Variants in SOX5 observed in about 807,000 individuals in gnomAD.
The protein encoded by SOX5 is SRY-box transcription factor 5, also known as transcription factor SOX-5.
In SOX5, 9 loss-of-function variants were observed where a neutral mutation model predicts 92.0. That is an observed-to-expected ratio of 0.10 (90% confidence interval 0.06 to 0.17). The LOEUF (loss-of-function observed/expected upper bound fraction) is 0.17. Ranked by LOEUF, SOX5 falls within the 10% of genes least tolerant of loss-of-function variation. SOX5 has a pLI of 1.00. For missense variants in SOX5, 642 were observed against 944.5 expected (o/e 0.68, Z 4.20); for synonymous variants, 344 against 336.3 (o/e 1.02, Z -0.25).
chr12:24,146,551 C>T (rs1350652586), intron 4 of SOX5, among the ~76,000 whole-genome samples: 1 of 151,752 alleles, frequency 6.6e-6, no homozygotes, highest in African/African-American at 2.4e-5. Flanking sequence ...AAACCCATGA[C>T]CTCCGTTTCC....
chr12:24,289,936 A>G (rs1020043803), intron 2 of SOX5, among the ~76,000 whole-genome samples: 1 of 152,186 alleles, frequency 6.6e-6, no homozygotes, highest in Non-Finnish European at 1.5e-5. Context: ...CTGCACCTGA[A>G]GTGTAAACAT....
At chr12:23,963,794 A>T (rs1947242511) in intron 4 of SOX5, among the ~76,000 whole-genome samples, 2 of 148,816 alleles carry the variant, frequency 1.3e-5, no homozygotes, top group South Asian at 4.3e-4. Flanking sequence ...CTGGAAGGCT[A>T]TATATTCCAT....
At chr12:23,661,269 A>T (rs2083010083) in intron 7 of SOX5, among the ~76,000 whole-genome samples, 1 of 152,176 alleles carries the variant, frequency 6.6e-6, no homozygotes, top group African/African-American at 2.4e-5. Flanking sequence ...CCCATACAGA[A>T]AAGACAGGGG....
chr12:24,399,634 T>C (rs968776432), intron 1 of SOX5, among the ~76,000 whole-genome samples: 4 of 152,176 alleles, frequency 2.6e-5, no homozygotes, highest in Admixed American at 2.0e-4. Flanking sequence ...AAAACAATTG[T>C]TGAGAAGAAC....
intron 3 of SOX5, among the ~76,000 whole-genome samples, chr12:23,830,160 T>A (rs1195072834): frequency 6.6e-6 from 1 of 152,164 alleles, no homozygotes; most frequent in African/African-American, 2.4e-5. Context: ...GGCTTCAAAC[T>A]CAGCTAACTC....
intron 3 of SOX5, among the ~76,000 whole-genome samples, chr12:23,766,686 A>G (rs1455890695): frequency 6.6e-6 from 1 of 152,172 alleles, no homozygotes; most frequent in Admixed American, 6.5e-5. Context: ...ATCATGAATA[A>G]TAATTAAATA....
intron 10 of SOX5, among the ~76,000 whole-genome samples, chr12:23,568,433 T>A (rs535616249): frequency 2.0e-5 from 3 of 152,318 alleles, no homozygotes; most frequent in African/African-American, 7.2e-5. Context: ...CTTTACCATG[T>A]CTCTAAGAAT....
intron 1 of SOX5, among the ~76,000 whole-genome samples, chr12:24,544,975 C>T (rs1329905662): frequency 6.6e-6 from 1 of 152,178 alleles, no homozygotes; most frequent in Non-Finnish European, 1.5e-5. Flanking sequence ...TATCCCCTTT[C>T]TGTGTGTTTA....
chr12:23,754,276 CT>C (rs2094291533), intron 4 of SOX5, among the ~76,000 whole-genome samples: 1 of 151,792 alleles, frequency 6.6e-6, no homozygotes, highest in South Asian at 2.1e-4. Context: ...GCAGTCTTCG[CT>C]GCTCTACTCT....
intron 4 of SOX5, among the ~76,000 whole-genome samples, chr12:23,745,228 T>C (rs1404413602): frequency 6.6e-6 from 1 of 152,176 alleles, no homozygotes; most frequent in Non-Finnish European, 1.5e-5. Context: ...GAGAGCACTT[T>C]TTCCATCCTG....
intron 2 of SOX5, among the ~76,000 whole-genome samples, chr12:23,847,870 G>C (rs546105307): frequency 6.6e-6 from 1 of 151,952 alleles, no homozygotes; most frequent in Non-Finnish European, 1.5e-5. Context: ...ACTCCCGCAC[G>C]TTAAGTGAAG....
intron 4 of SOX5, among the ~76,000 whole-genome samples, chr12:24,102,584 C>T (rs1946215897): frequency 6.6e-6 from 1 of 152,120 alleles, no homozygotes; most frequent in South Asian, 2.1e-4. Flanking sequence ...TTGGATTTAA[C>T]AATATGGTTA....
intron 2 of SOX5, among the ~76,000 whole-genome samples, chr12:23,853,124 A>G (rs1285978185): frequency 4.1e-5 from 6 of 147,674 alleles, no homozygotes; most frequent in African/African-American, 7.4e-5. Context: ...ATATATATAT[A>G]CATATATATA....
At chr12:23,919,541 A>C (rs2097458310) in intron 1 of SOX5, among the ~76,000 whole-genome samples, 1 of 152,230 alleles carries the variant, frequency 6.6e-6, no homozygotes, top group South Asian at 2.1e-4. Context: ...ACTGAGCTAT[A>C]TGTCCATATC....
rs557417132 is a variant in SOX5 at position 24,316,234 on chromosome 12, T to G, written c.-173-38922A>C. ...TATATCTTTAGAGAAAGCAGGTGGG[T>G]GGGGTTGAGGGGAAGGGGAGTAGAA... On this transcript the variant is annotated intron_variant, in intron 2 of 4. Coordinates refer to the SOX5 transcript ENST00000446891. Among the ~76,000 whole-genome samples, 157 of 152,042 alleles carry G rather than the reference T, an allele frequency of 1.0e-3. 1 individual carries two copies. Among genetic ancestry groups the G allele is most frequent in the Middle Eastern group, 3.4e-3 (1 of 294 alleles).
At chr12:23,977,457 G>A (rs1949043468) in intron 4 of SOX5, among the ~76,000 whole-genome samples, 1 of 152,102 alleles carries the variant, frequency 6.6e-6, no homozygotes, top group Non-Finnish European at 1.5e-5. Flanking sequence ...ATCTCTTGAG[G>A]CCAGGAGTTC....
intron 6 of SOX5, among the ~76,000 whole-genome samples, chr12:23,695,648 A>G (rs2089678309): frequency 1.3e-5 from 2 of 152,144 alleles, no homozygotes; most frequent in South Asian, 2.1e-4. Flanking sequence ...ATGCATACAC[A>G]ATAAAAATAT....
At chr12:23,579,502 C>T (rs1017190512) in intron 9 of SOX5, among the ~76,000 whole-genome samples, 4 of 151,946 alleles carry the variant, frequency 2.6e-5, no homozygotes, top group African/African-American at 9.7e-5. Context: ...ATACCAAATG[C>T]CTATTATTTA....
chr12:24,341,213 A>C (rs1952536842), intron 2 of SOX5, among the ~76,000 whole-genome samples: 1 of 152,048 alleles, frequency 6.6e-6, no homozygotes, highest in East Asian at 1.9e-4. Flanking sequence ...ATGGTGGCTT[A>C]TACCTGTAAT....
Sources: gnomAD v4.1 joint callset for allele counts (sites outside exome capture counted in the v4.1 genomes callset) on GRCh38, gnomAD v4.1.1 for gene constraint, MANE v1.5 for transcripts, NCBI Gene and HGNC (gene_info 2026-07-23, HGNC 2026-07-21) for gene names.